The following STRN3 variants were observed in gnomAD, a reference collection of about 807,000 sequenced individuals.
The protein encoded by STRN3 is striatin 3, also known as striatin-3.
A neutral mutation model predicts 95.6 loss-of-function variants in STRN3; 29 were observed. That is an observed-to-expected ratio of 0.30 (90% CI 0.23 to 0.41). The LOEUF is 0.41. STRN3 is among the 10% of genes least tolerant of loss of function. The pLI, the probability that STRN3 is intolerant of heterozygous loss-of-function variation, is 1.00. For synonymous variants in STRN3, 331 were observed against 357.6 expected (o/e 0.93, Z 0.84); for missense variants, 890 against 972.1 (o/e 0.92, Z 1.12).
At chr14:30,982,222 G>A (rs1360616709) in intron 1 of STRN3, among the ~76,000 whole-genome samples, 1 of 151,256 alleles carries the variant, frequency 6.6e-6, no homozygotes, top group Non-Finnish European at 1.5e-5. Flanking sequence ...AAGGTTTAAT[G>A]AATTATAAAA....
At position 31,018,717 on chromosome 14, in the gene STRN3, C is replaced by T. The variant is rs894719312; in HGVS notation, c.282+7187G>A. Reference sequence around the variant, plus strand: ...CTTGTTGATAAACTTGCAAAAAAAGCGTAAAATGCGAAGATGAGGGCCATG... The same window carrying T: ...CTTGTTGATAAACTTGCAAAAAAAGTGTAAAATGCGAAGATGAGGGCCATG... On this transcript the variant is annotated intron_variant, in intron 1 of 17. Coordinates refer to ENST00000357479, the MANE Select transcript of STRN3 (RefSeq NM_001083893.2). 5.9e-5 allele frequency: 27 copies of T among 455,042 alleles called. No homozygotes were observed. In the Admixed American group the frequency reaches 6.2e-4, roughly 10 times the overall value. 28.2% of individuals were successfully genotyped at this position (455,042 alleles called of 1,614,324 possible).
chr14:30,955,399 T>A (rs1273861402), intron 3 of STRN3, among the ~76,000 whole-genome samples: 1 of 152,212 alleles, frequency 6.6e-6, no homozygotes, highest in East Asian at 1.9e-4. Flanking sequence ...ACCACACTTT[T>A]ACACAGATTT....
intron 1 of STRN3, among the ~76,000 whole-genome samples, chr14:31,005,536 C>T (rs1459609038): frequency 6.6e-6 from 1 of 152,200 alleles, no homozygotes; most frequent in Non-Finnish European, 1.5e-5. Context: ...CAGCTTTTAG[C>T]TTAATATTTT....
intron 8 of STRN3, among the ~76,000 whole-genome samples, chr14:30,925,243 G>A (rs545836595): frequency 1.1e-4 from 16 of 151,254 alleles, no homozygotes; most frequent in Admixed American, 5.3e-4. Context: ...GCGGGCAGGG[G>A]GGTAAAAAAA....
intron 1 of STRN3, among the ~76,000 whole-genome samples, chr14:31,013,559 T>C (rs1883070624): frequency 6.6e-6 from 1 of 151,998 alleles, no homozygotes; most frequent in African/African-American, 2.4e-5. Context: ...AGGATCATGG[T>C]GAGTATAAGA....
At position 30,950,930 on chromosome 14, in the gene STRN3, T is replaced by C. The variant is rs1194843137; in HGVS notation, c.475A>G (p.Thr159Ala). 1 of 1,612,792 alleles carries C rather than the reference T, an allele frequency of 6.2e-7. No individual in the cohort carries two copies. Among genetic ancestry groups the C allele is most frequent in the Non-Finnish European group, 8.5e-7 (1 of 1,179,726 alleles). Residue 159 changes from threonine to alanine, a missense_variant, in exon 4 of 18, where the codon ACA (threonine) becomes GCA (alanine). Coordinates refer to ENST00000357479, the MANE Select transcript of STRN3 (RefSeq NM_001083893.2). ...TTCTGAGGTGCTGTGGGAGCCTCTGTGTCTTTGGTTTCTTCTAAAAATTAA... is the reference window on the plus strand; with the variant it reads ...TTCTGAGGTGCTGTGGGAGCCTCTGCGTCTTTGGTTTCTTCTAAAAATTAA... ...PTFESEETKD[T>A]EAPTAPQNSQ...
chr14:30,895,002 TC>T lies in STRN3; in HGVS notation c.*408del. 1.8e-6 allele frequency: 1 copy of T among 553,734 alleles called. No individual in the cohort carries two copies. The highest frequency in any genetic ancestry group is 2.4e-6 in the Non-Finnish European group (1 of 422,130). The allele number at this position is 553,734 out of a possible 1,614,324, so 34.3% of individuals were successfully genotyped here. ...AAAAAAGCTACTCTTGGAGCTCACT[TC>T]CCCCAACAAGAGCACCACATTCCTA... On this transcript the variant is annotated 3_prime_UTR_variant, in exon 18 of 18. Coordinates refer to ENST00000357479, the MANE Select transcript of STRN3 (RefSeq NM_001083893.2).
At chr14:30,906,654 AT>A (rs918994685) in intron 14 of STRN3, among the ~76,000 whole-genome samples, 83 of 152,302 alleles carry the variant, frequency 5.4e-4, no homozygotes, top group African/African-American at 1.1e-3. Context: ...ATAGTTTTAC[AT>A]TTTTAAAAAA....
intron 16 of STRN3, among the ~76,000 whole-genome samples, chr14:30,897,565 A>G (rs377022230): frequency 6.6e-6 from 1 of 152,242 alleles, no homozygotes; most frequent in East Asian, 1.9e-4. Flanking sequence ...AGCCTGGGTG[A>G]CAGAGTGAGA....
At position 30,984,404 on chromosome 14, in the gene STRN3, A is replaced by G. The variant is rs150893144; in HGVS notation, c.283-28162T>C. 2.1e-3 allele frequency among the ~76,000 whole-genome samples: 325 copies of G among 151,640 alleles called. 15 individuals are homozygous for G. In the East Asian group the frequency reaches 0.05, roughly 23 times the overall value. On this transcript the variant is annotated intron_variant, in intron 1 of 17. Transcript: ENST00000357479. ...GGGCAACAGAGCGAGACTCCATCTC[A>G]AAAAAACTTTGCTGTTAGTTAAGCC...
chr14:31,022,559 C>T (rs947341409), intron 1 of STRN3, among the ~76,000 whole-genome samples: 1 of 151,656 alleles, frequency 6.6e-6, no homozygotes, highest in African/African-American at 2.4e-5. Flanking sequence ...TGCCTTGCAG[C>T]AGCATCACAG....
chr14:30,926,079 T>A (rs1014752100), intron 8 of STRN3, among the ~76,000 whole-genome samples: 1 of 152,098 alleles, frequency 6.6e-6, no homozygotes, highest in Admixed American at 6.5e-5. Flanking sequence ...CGGCAAGGAT[T>A]CAGAGCCAAC....
At chr14:31,024,153 AT>A (rs1437229790) in intron 1 of STRN3, among the ~76,000 whole-genome samples, 1 of 152,192 alleles carries the variant, frequency 6.6e-6, no homozygotes, top group Non-Finnish European at 1.5e-5. Flanking sequence ...AGCTGCTTAC[AT>A]TAGTGAAGTT....
chr14:30,981,542 A>T (rs933386492), intron 1 of STRN3, among the ~76,000 whole-genome samples: 1 of 151,336 alleles, frequency 6.6e-6, no homozygotes. Flanking sequence ...TTCAAAACCT[A>T]GCTAATTATG....
chr14:30,909,020 T>TAA (rs1896539788), intron 13 of STRN3, among the ~76,000 whole-genome samples: 2 of 152,216 alleles, frequency 1.3e-5, no homozygotes, highest in Non-Finnish European at 2.9e-5. Flanking sequence ...CTCGTTTCAA[T>TAA]AAATGCTCCC....
At chr14:30,933,122 A>C (rs146552771) in intron 7 of STRN3, among the ~76,000 whole-genome samples, 2 of 151,868 alleles carry the variant, frequency 1.3e-5, no homozygotes, top group Non-Finnish European at 2.9e-5. Context: ...AAAAAAAAAA[A>C]ATGCAAAAAT....
Position 30,912,041 on chromosome 14 carries a change from G to C in STRN3, c.1516C>G (p.Leu506Val), listed in dbSNP as rs1287288662. Reference protein sequence around the residue: ...VTASEDHTLKLWNLQKTVPAK... With the variant: ...VTASEDHTLKVWNLQKTVPAK... Reference sequence around the variant, plus strand: ...GGAACTGTTTTTTGCAGGTTCCAAAGTTTCAGGGTATGGTCCTCAGAAGCA... The same window carrying C: ...GGAACTGTTTTTTGCAGGTTCCAAACTTTCAGGGTATGGTCCTCAGAAGCA... The change falls in exon 11 of 18, where the codon CTT becomes GTT. Residue 506 changes from leucine (L) to valine (V), a missense_variant. Leu to Val is a conservative substitution (Grantham distance 32). This residue lies in a region of STRN3 where 357 missense variants were observed against 422.8 expected (regional missense o/e 0.84). Transcript: ENST00000357479. 6.2e-7 allele frequency: 1 copy of C among 1,613,166 alleles called. No individual in the cohort carries two copies. The highest frequency in any genetic ancestry group is 2.2e-5 in the East Asian group (1 of 44,866).
intron 1 of STRN3, among the ~76,000 whole-genome samples, chr14:31,002,087 A>AC (rs1468566115): frequency 6.9e-6 from 1 of 144,070 alleles, no homozygotes; most frequent in East Asian, 2.1e-4. Flanking sequence ...AATCGCTTGA[A>AC]CCCGGTGGGC....
chr14:30,939,279 G>C (rs1179052395), intron 5 of STRN3, among the ~76,000 whole-genome samples: 1 of 152,160 alleles, frequency 6.6e-6, no homozygotes, highest in Non-Finnish European at 1.5e-5. Flanking sequence ...AGGGCAATAT[G>C]TGTCTCTGCT....
Sources: allele counts gnomAD v4.1 joint callset (sites outside exome capture counted in the v4.1 genomes callset), GRCh38; gene constraint gnomAD v4.1.1; regional missense constraint gnomAD v4.1.1; transcripts MANE v1.5; gene names NCBI Gene and HGNC (gene_info 2026-07-23, HGNC 2026-07-21).